Variants in GLRA3 observed in about 807,000 individuals in gnomAD.
GLRA3 encodes glycine receptor alpha 3.
Under a neutral mutation model 60.4 loss-of-function variants are expected in GLRA3, and 44 were observed. The ratio of observed to expected loss-of-function variants is 0.73; its 90% CI spans 0.57 to 0.94. The LOEUF is 0.94. GLRA3 is among the 40% of genes least tolerant of loss of function. GLRA3 has a pLI of 0.00. For synonymous variants in GLRA3, 223 were observed against 192.9 expected (o/e 1.16, Z -1.29); for missense variants, 508 against 564.6 (o/e 0.90, Z 1.02).
At chr4:174,736,491 C>T (rs780337376) in intron 3 of GLRA3, among the ~76,000 whole-genome samples, 1 of 152,126 alleles carries the variant, frequency 6.6e-6, no homozygotes, top group African/African-American at 2.4e-5. Context: ...CTCCTCTAGT[C>T]TCTGGCAAGC....
chr4:174,750,162 G>A (rs902532315), intron 3 of GLRA3, among the ~76,000 whole-genome samples: 5 of 152,034 alleles, frequency 3.3e-5, no homozygotes, highest in African/African-American at 1.2e-4. Flanking sequence ...ACCATTTTTT[G>A]TGCATAAATT....
At chr4:174,702,446 T>C (rs1735355598) in intron 5 of GLRA3, among the ~76,000 whole-genome samples, 1 of 152,226 alleles carries the variant, frequency 6.6e-6, no homozygotes, top group Admixed American at 6.5e-5. Flanking sequence ...AGTCTGGAAC[T>C]GAACCAGCAA....
intron 8 of GLRA3, among the ~76,000 whole-genome samples, chr4:174,657,108 T>C (rs1008505075): frequency 2.6e-5 from 4 of 152,126 alleles, no homozygotes; most frequent in African/African-American, 9.7e-5. Flanking sequence ...CTGGAGAAAA[T>C]GAATGTTTCC....
intron 1 of GLRA3, among the ~76,000 whole-genome samples, chr4:174,823,272 T>C (rs1331173908): frequency 6.6e-6 from 1 of 152,142 alleles, no homozygotes; most frequent in Non-Finnish European, 1.5e-5. Context: ...CACATATACA[T>C]GTACATACAT....
chr4:174,761,155 T>C (rs1011481484), intron 3 of GLRA3, among the ~76,000 whole-genome samples: 1 of 152,122 alleles, frequency 6.6e-6, no homozygotes, highest in Admixed American at 6.6e-5. Context: ...TGCATCTTGG[T>C]ATGCCTGTAA....
chr4:174,828,151 C>T (rs1051756387), intron 1 of GLRA3, among the ~76,000 whole-genome samples: 3 of 152,030 alleles, frequency 2.0e-5, no homozygotes, highest in African/African-American at 7.2e-5. Flanking sequence ...TATTACTTTA[C>T]TCAAGAAGAT....
intron 5 of GLRA3, among the ~76,000 whole-genome samples, chr4:174,692,539 C>T (rs1215074299): frequency 6.7e-6 from 1 of 149,780 alleles, no homozygotes; most frequent in East Asian, 1.9e-4. Context: ...CGGATGGTTG[C>T]CGTGTCTGTG....
At chr4:174,691,515 G>T (rs571452277) in intron 5 of GLRA3, among the ~76,000 whole-genome samples, 1 of 152,154 alleles carries the variant, frequency 6.6e-6, no homozygotes, top group Non-Finnish European at 1.5e-5. Flanking sequence ...TCAGCCTGCC[G>T]AGTGCCTGCG....
At chr4:174,666,757 TA>T in intron 7 of GLRA3, among the ~76,000 whole-genome samples, 1 of 49,956 alleles carries the variant, frequency 2.0e-5, no homozygotes, top group African/African-American at 1.5e-4. Context: ...TATATATATA[TA>T]TTATATATAT....
chr4:174,801,222 C>G (rs1219917838), intron 1 of GLRA3, among the ~76,000 whole-genome samples: 1 of 152,042 alleles, frequency 6.6e-6, no homozygotes, highest in South Asian at 2.1e-4. Flanking sequence ...CAGTAAAATG[C>G]TCTTGTCAAG....
chr4:174,688,465 T>C (rs1449822545), intron 5 of GLRA3, among the ~76,000 whole-genome samples: 4 of 150,610 alleles, frequency 2.7e-5, no homozygotes, highest in Non-Finnish European at 5.9e-5. Flanking sequence ...CAGAGACTTA[T>C]TCTGTTTTAG....
intron 1 of GLRA3, among the ~76,000 whole-genome samples, chr4:174,815,281 C>T (rs112615281): frequency 3.3e-5 from 5 of 152,264 alleles, no homozygotes; most frequent in African/African-American, 1.2e-4. Flanking sequence ...TGGGTATAGC[C>T]CCACTCCTGG....
At position 174,767,833 on chromosome 4, in the gene GLRA3, A is replaced by G. The variant is rs940346208; in HGVS notation, c.200-803T>C. ...CTTCCCTGGACAGGCACACAGCCCTATGTGCATATGTAAACTCCAGATTGC... is the reference window on the plus strand; with the variant it reads ...CTTCCCTGGACAGGCACACAGCCCTGTGTGCATATGTAAACTCCAGATTGC... On this transcript the variant is annotated intron_variant, in intron 2 of 9. Transcript: ENST00000274093. 3.9e-5 allele frequency among the ~76,000 whole-genome samples: 6 copies of G among 152,076 alleles called. No individual in the cohort carries two copies. The East Asian group carries it at 5.8e-4, about 15-fold the overall frequency.
In GLRA3 at chr4:174,677,181, A is replaced by T; in HGVS notation, c.824T>A (p.Phe275Tyr). Residue 275 changes from phenylalanine (F) to tyrosine (Y), a missense_variant, in exon 7 of 10, where the codon TTC becomes TAC. Transcript: ENST00000274093. Reference sequence around the variant, plus strand: ...CGGTGCTGCATCCATGTTGATCCAGAATGAAACCCAGGATAGAATAACAAT... The same window carrying T: ...CGGTGCTGCATCCATGTTGATCCAGTATGAAACCCAGGATAGAATAACAAT... The part of the protein sequence containing the change: ...LLIVILSWVS[F>Y]WINMDAAPAR... 1 of 1,612,530 alleles carries T rather than the reference A, an allele frequency of 6.2e-7. No homozygotes were observed. The highest frequency in any genetic ancestry group is 8.5e-7 in the Non-Finnish European group (1 of 1,178,602).
chr4:174,815,855 C>T (rs1296894877), intron 1 of GLRA3, among the ~76,000 whole-genome samples: 2 of 152,176 alleles, frequency 1.3e-5, no homozygotes, highest in East Asian at 3.9e-4. Context: ...ACATTTTCCC[C>T]ATTATCTTGG....
intron 7 of GLRA3, among the ~76,000 whole-genome samples, chr4:174,663,630 C>T (rs368481383): frequency 1.8e-3 from 271 of 152,326 alleles, no homozygotes; most frequent in Non-Finnish European, 2.9e-3. Context: ...AACCCCTTCA[C>T]CAATTTCAAG....
At chr4:174,696,793 T>C (rs997908862) in intron 5 of GLRA3, among the ~76,000 whole-genome samples, 25 of 151,982 alleles carry the variant, frequency 1.6e-4, no homozygotes, top group African/African-American at 5.8e-4. Context: ...TATGTATTCA[T>C]AGAAACAAAC....
At position 174,637,943 on chromosome 4, in the gene GLRA3, CACTT is replaced by C. The variant is rs1478089497; in HGVS notation, c.*5839_*5842del. 6.6e-6 allele frequency: 1 copy of C among 151,946 alleles called. No homozygotes were observed. Among genetic ancestry groups the C allele is most frequent in the Non-Finnish European group, 1.5e-5 (1 of 67,992 alleles). The allele number at this position is 151,946 out of a possible 1,614,324, so 9.4% of individuals were successfully genotyped here. Reference sequence around the variant, plus strand: ...CTGAAAATATCTCATCATTGTTTAACACTTACAATGCTCTCATGAATGGTTTAAA... The same window carrying C: ...CTGAAAATATCTCATCATTGTTTAACACAATGCTCTCATGAATGGTTTAAA... On this transcript the variant is annotated 3_prime_UTR_variant, in exon 10 of 10. Transcript: ENST00000274093.
intron 4 of GLRA3, among the ~76,000 whole-genome samples, chr4:174,719,442 T>G (rs1736058212): frequency 6.6e-6 from 1 of 152,156 alleles, no homozygotes; most frequent in African/African-American, 2.4e-5. Context: ...ATAGTGAAAT[T>G]TAAAGTAAAA....
Sources: gnomAD v4.1 joint callset for allele counts (sites outside exome capture counted in the v4.1 genomes callset) on GRCh38, gnomAD v4.1.1 for gene constraint, MANE v1.5 for transcripts, NCBI Gene and HGNC (gene_info 2026-07-23, HGNC 2026-07-21) for gene names.